GRM5: variants seen among roughly 807,000 people sequenced by gnomAD.
GRM5 encodes glutamate metabotropic receptor 5.
Under a neutral mutation model 83.1 loss-of-function variants are expected in GRM5, and 19 were observed. That is an observed-to-expected ratio of 0.23 (90% CI 0.16 to 0.34). The LOEUF (loss-of-function observed/expected upper bound fraction) is 0.34. Ranked by LOEUF, GRM5 falls within the 10% of genes least tolerant of loss-of-function variation. The pLI is 1.00. For missense variants in GRM5, 1,160 were observed against 1,588.3 expected, an observed-to-expected ratio of 0.73 and a Z score of 4.58; for synonymous variants, 675 against 633.6, an observed-to-expected ratio of 1.07 and a Z score of -0.98.
At chr11:88,605,458 G>A (rs1329950711) in intron 4 of GRM5, among the ~76,000 whole-genome samples, 1 of 150,942 alleles carries the variant, frequency 6.6e-6, no homozygotes, top group Admixed American at 6.7e-5. Flanking sequence ...TAATCTCAAA[G>A]CATATGCTCT....
intron 2 of GRM5, among the ~76,000 whole-genome samples, chr11:88,990,082 T>C (rs1007930221): frequency 2.0e-5 from 3 of 148,176 alleles, no homozygotes; most frequent in Admixed American, 6.8e-5. Flanking sequence ...AGCTGGTTTT[T>C]TGAAAGGATC....
At chr11:88,633,138 A>G (rs906377453) in intron 4 of GRM5, among the ~76,000 whole-genome samples, 1 of 152,226 alleles carries the variant, frequency 6.6e-6, no homozygotes, top group African/African-American at 2.4e-5. Flanking sequence ...AGATACCACT[A>G]TGCACTTATT....
intron 3 of GRM5, among the ~76,000 whole-genome samples, chr11:88,737,753 T>A (rs565999748): frequency 6.6e-5 from 10 of 152,114 alleles, no homozygotes; most frequent in Admixed American, 1.3e-4. Context: ...TAGATTTTTA[T>A]CACATCTAAT....
chr11:89,029,293 T>A (rs1297348181), intron 2 of GRM5, among the ~76,000 whole-genome samples: 5 of 152,150 alleles, frequency 3.3e-5, no homozygotes, highest in Non-Finnish European at 7.4e-5. Flanking sequence ...TGTTAAAAAA[T>A]TTTTTGGATT....
At position 88,804,325 on chromosome 11, in the gene GRM5, G is replaced by T. The variant is rs1450631656; in HGVS notation, c.911+45581C>A. Among the ~76,000 whole-genome samples, 460 of 147,782 alleles carry T rather than the reference G, an allele frequency of 3.1e-3. 2 individuals are homozygous for T. Among genetic ancestry groups the T allele is most frequent in the African/African-American group, 0.011 (447 of 38,992 alleles). The stretch of plus-strand genomic sequence containing the variant: ...TGATAGACTGGATTAAGAAAATGTG[G>T]CACATATACACCATGGAATACTATG... On this transcript the variant is annotated intron_variant, in intron 3 of 9. Coordinates refer to ENST00000305447, the MANE Select transcript of GRM5 (RefSeq NM_001143831.3).
At chr11:88,580,860 G>T (rs1943202619) in intron 7 of GRM5, among the ~76,000 whole-genome samples, 1 of 152,194 alleles carries the variant, frequency 6.6e-6, no homozygotes, top group Admixed American at 6.5e-5. Context: ...CACCTGTTAG[G>T]CCAGGCACAG....
intron 4 of GRM5, among the ~76,000 whole-genome samples, chr11:88,649,106 TTAAA>T (rs1336099034): frequency 7.0e-6 from 1 of 143,826 alleles, no homozygotes; most frequent in Non-Finnish European, 1.5e-5. Flanking sequence ...ATAATATATA[TTAAA>T]TATATATGTA....
At chr11:88,520,043 T>A (rs760658624) in intron 9 of GRM5, among the ~76,000 whole-genome samples, 1 of 152,144 alleles carries the variant, frequency 6.6e-6, no homozygotes, top group Non-Finnish European at 1.5e-5. Context: ...AGATTTTTCA[T>A]GAGATTGCTC....
intron 2 of GRM5, among the ~76,000 whole-genome samples, chr11:88,986,789 G>C (rs1352124884): frequency 7.6e-6 from 1 of 130,804 alleles, no homozygotes; most frequent in Non-Finnish European, 1.6e-5. Context: ...TCACTGGGAA[G>C]ACCAATTTCA....
chr11:88,522,919 A>G (rs890443023), intron 9 of GRM5: 1 of 152,204 alleles, frequency 6.6e-6, no homozygotes, highest in Admixed American at 6.5e-5. Flanking sequence ...TGCTGGAGAT[A>G]CATCAAGTGA....
At chr11:88,882,532 G>T (rs966917825) in intron 2 of GRM5, among the ~76,000 whole-genome samples, 2 of 149,896 alleles carry the variant, frequency 1.3e-5, no homozygotes, top group African/African-American at 4.9e-5. Context: ...CTGCAGTCCG[G>T]TCTGGGCAAA....
intron 8 of GRM5, among the ~76,000 whole-genome samples, chr11:88,528,427 T>G (rs1941929561): frequency 6.6e-6 from 1 of 152,096 alleles, no homozygotes. Flanking sequence ...TTACCAGTAA[T>G]GTGCTGTTCA....
intron 2 of GRM5, among the ~76,000 whole-genome samples, chr11:88,864,926 T>C (rs190022947): frequency 1.3e-5 from 2 of 152,168 alleles, no homozygotes; most frequent in Admixed American, 6.6e-5. Context: ...GAGATAGTCA[T>C]GTGGTTTTTG....
chr11:88,599,929 C>T (rs1419479498), intron 5 of GRM5, among the ~76,000 whole-genome samples: 2 of 152,118 alleles, frequency 1.3e-5, no homozygotes, highest in Non-Finnish European at 2.9e-5. Flanking sequence ...AGGAGAATGG[C>T]GTGAACCCGG....
chr11:88,630,823 C>T (rs1297596632), intron 4 of GRM5, among the ~76,000 whole-genome samples: 1 of 152,068 alleles, frequency 6.6e-6, no homozygotes, highest in Admixed American at 6.6e-5. Context: ...GGTGATTTGC[C>T]CACCTCGGCC....
At chr11:88,799,681 A>G (rs1943351711) in intron 3 of GRM5, among the ~76,000 whole-genome samples, 1 of 152,132 alleles carries the variant, frequency 6.6e-6, no homozygotes, top group Admixed American at 6.6e-5. Context: ...ATGGATATAT[A>G]TGGCCCCCAG....
At chr11:88,736,349 C>T (rs1268255123) in intron 3 of GRM5, among the ~76,000 whole-genome samples, 1 of 152,016 alleles carries the variant, frequency 6.6e-6, no homozygotes, top group East Asian at 1.9e-4. Context: ...GATTATCCAA[C>T]CCTTACTCAG....
chr11:88,799,920 C>A (rs1348458243), intron 3 of GRM5, among the ~76,000 whole-genome samples: 4 of 152,078 alleles, frequency 2.6e-5, no homozygotes, highest in African/African-American at 4.8e-5. Flanking sequence ...TCCCAGACTT[C>A]CTGGCAAACA....
chr11:88,963,939 T>A (rs1938863006), intron 2 of GRM5, among the ~76,000 whole-genome samples: 3 of 152,128 alleles, frequency 2.0e-5, no homozygotes, highest in Non-Finnish European at 4.4e-5. Flanking sequence ...TTAGAAATAT[T>A]CTTATTCTTA....
Sources: gnomAD v4.1 joint callset for allele counts (sites outside exome capture counted in the v4.1 genomes callset) on GRCh38, gnomAD v4.1.1 for gene constraint, MANE v1.5 for transcripts, NCBI Gene and HGNC (gene_info 2026-07-23, HGNC 2026-07-21) for gene names.